The following CNTNAP5 variants were observed in gnomAD, a reference collection of about 807,000 sequenced individuals.
CNTNAP5 encodes the protein contactin-associated protein-like 5.
CNTNAP5 carries 72 observed loss-of-function variants against 150.2 expected under a neutral mutation model. The ratio of observed to expected loss-of-function variants is 0.48; its 90% confidence interval spans 0.40 to 0.58. The LOEUF (loss-of-function observed/expected upper bound fraction) is 0.58, where lower values mean the gene tolerates loss of function less well. Among genes scored for constraint, CNTNAP5 ranks in the 20% least tolerant of loss-of-function variants. The pLI, the probability that CNTNAP5 is intolerant of heterozygous loss-of-function variation, is 0.00. For missense variants in CNTNAP5, 1,636 were observed against 1,626.2 expected, an observed-to-expected ratio of 1.01 and a Z score of -0.10; for synonymous variants, 672 against 619.8, an observed-to-expected ratio of 1.08 and a Z score of -1.25.
At chr2:124,067,628 T>G (rs1682194114) in intron 1 of CNTNAP5, among the ~76,000 whole-genome samples, 1 of 151,736 alleles carries the variant, frequency 6.6e-6, no homozygotes. Flanking sequence ...CATGAGTAAC[T>G]TTTTTTTTGA....
chr2:124,480,981 G>C (rs974610884), intron 7 of CNTNAP5, among the ~76,000 whole-genome samples: 5 of 152,152 alleles, frequency 3.3e-5, no homozygotes, highest in African/African-American at 1.2e-4. Flanking sequence ...CAGTGTAATG[G>C]TTAATATCTT....
chr2:124,715,708 A>C (rs562335649), intron 13 of CNTNAP5, among the ~76,000 whole-genome samples: 203 of 152,254 alleles, frequency 1.3e-3, no homozygotes, highest in Non-Finnish European at 2.6e-3. Context: ...ACACGGCTTT[A>C]ACTTGCTACA....
At chr2:124,483,373 G>T (rs1693802336) in intron 7 of CNTNAP5, among the ~76,000 whole-genome samples, 1 of 152,212 alleles carries the variant, frequency 6.6e-6, no homozygotes, top group Admixed American at 6.5e-5. Context: ...ATGGAAGGCT[G>T]AAATTGTTAA....
At chr2:124,368,694 G>A (rs1249034386) in intron 3 of CNTNAP5, among the ~76,000 whole-genome samples, 3 of 152,138 alleles carry the variant, frequency 2.0e-5, no homozygotes, top group African/African-American at 7.2e-5. Context: ...AAAACAAGAT[G>A]TAAAACAGAT....
chr2:124,430,072 A>G (rs1692336332), intron 4 of CNTNAP5, among the ~76,000 whole-genome samples: 1 of 152,098 alleles, frequency 6.6e-6, no homozygotes, highest in Non-Finnish European at 1.5e-5. Context: ...ATCTAATCCA[A>G]TTGCGAGGTG....
At chr2:124,240,892 T>C (rs1366718143) in intron 2 of CNTNAP5, among the ~76,000 whole-genome samples, 8 of 152,176 alleles carry the variant, frequency 5.3e-5, no homozygotes. Flanking sequence ...AACTCTCAGT[T>C]ACCAAGGAGA....
chr2:124,474,100 C>G (rs151251101), intron 6 of CNTNAP5, among the ~76,000 whole-genome samples: 2 of 152,090 alleles, frequency 1.3e-5, no homozygotes, highest in African/African-American at 4.8e-5. Flanking sequence ...ATACTTTATA[C>G]CCAATTGTAA....
At chr2:124,212,417 C>T (rs1169477230) in intron 1 of CNTNAP5, among the ~76,000 whole-genome samples, 1 of 152,072 alleles carries the variant, frequency 6.6e-6, no homozygotes, top group Non-Finnish European at 1.5e-5. Flanking sequence ...AAGTAGGAAA[C>T]ATTATATTTT....
chr2:124,057,556 C>T (rs1027981513), intron 1 of CNTNAP5, among the ~76,000 whole-genome samples: 2 of 148,804 alleles, frequency 1.3e-5, no homozygotes, highest in Non-Finnish European at 3.0e-5. Context: ...TCCCAAAGTG[C>T]TGGGATTACA....
chr2:124,065,253 A>C (rs57091089), intron 1 of CNTNAP5, among the ~76,000 whole-genome samples: 16,609 of 152,226 alleles, frequency 0.11, 955 homozygotes, highest in African/African-American at 0.13. Context: ...AGTTGAACAA[A>C]TAAATGGCCA....
Position 124,919,104 on chromosome 2 carries a change from C to G in CNTNAP5, c.*4816C>G, listed in dbSNP as rs1049432258. The stretch of plus-strand genomic sequence containing the variant: ...TTCACAAATTCCAAATTTGAACCAC[C>G]TAAAGGGGAAAAAATGCAACACACA... On this transcript the variant is annotated 3_prime_UTR_variant, in exon 24 of 24. Coordinates refer to ENST00000682447, the MANE Select transcript of CNTNAP5 (RefSeq NM_001367498.1). Among the ~76,000 whole-genome samples the G allele has an allele frequency of 3.3e-5, 5 of 151,946 alleles. No homozygotes were observed. Among genetic ancestry groups the G allele is most frequent in the Admixed American group, 2.6e-4 (4 of 15,230 alleles).
chr2:124,685,739 A>AGTGTGT (rs374079431), intron 13 of CNTNAP5, among the ~76,000 whole-genome samples: 36 of 130,802 alleles, frequency 2.8e-4, no homozygotes, highest in African/African-American at 8.4e-4. Context: ...ATCTAAAGTA[A>AGTGTGT]GTGTGTGTGT....
chr2:124,436,321 T>G (rs759213406), intron 5 of CNTNAP5, among the ~76,000 whole-genome samples: 1 of 152,194 alleles, frequency 6.6e-6, no homozygotes, highest in African/African-American at 2.4e-5. Context: ...ACATTCATGG[T>G]GTGAATGGTA....
chr2:124,798,381 C>G, intron 19 of CNTNAP5, 61 bp downstream of exon 19: 1 of 1,177,542 alleles, frequency 8.5e-7, no homozygotes, highest in Non-Finnish European at 1.3e-6. Context: ...ACGGTGCATG[C>G]CCTCCAGAAC....
intron 3 of CNTNAP5, among the ~76,000 whole-genome samples, chr2:124,327,930 T>TGA (rs1240430757): frequency 4.6e-5 from 7 of 152,182 alleles, no homozygotes; most frequent in African/African-American, 1.7e-4. Flanking sequence ...GAGAACTGTC[T>TGA]CAGATACTTT....
chr2:124,683,812 A>T (rs1679124497), intron 13 of CNTNAP5, among the ~76,000 whole-genome samples: 2 of 152,342 alleles, frequency 1.3e-5, no homozygotes, highest in South Asian at 2.1e-4. Context: ...ACAGAAAAAA[A>T]AGTTTTCTAG....
chr2:124,034,270 T>C (rs1044216991), intron 1 of CNTNAP5, among the ~76,000 whole-genome samples: 2 of 152,184 alleles, frequency 1.3e-5, no homozygotes, highest in African/African-American at 2.4e-5. Context: ...CATCCAATCA[T>C]TATACCTGTT....
chr2:124,071,397 T>A (rs182334136), intron 1 of CNTNAP5, among the ~76,000 whole-genome samples: 3 of 151,724 alleles, frequency 2.0e-5, no homozygotes, highest in Admixed American at 2.0e-4. Flanking sequence ...TGCAAAAAAT[T>A]AACAAAATGA....
At chr2:124,134,844 G>A (rs1280545178) in intron 1 of CNTNAP5, among the ~76,000 whole-genome samples, 3 of 152,104 alleles carry the variant, frequency 2.0e-5, no homozygotes, top group Admixed American at 6.6e-5. Flanking sequence ...GATTGCTGAG[G>A]TTTATACTTG....
Sources: gnomAD v4.1 joint callset for allele counts (sites outside exome capture counted in the v4.1 genomes callset) on GRCh38, gnomAD v4.1.1 for gene constraint, MANE v1.5 for transcripts, NCBI Gene and HGNC (gene_info 2026-07-23, HGNC 2026-07-21) for gene names.